CACNA2D3: variants seen among roughly 807,000 people sequenced by gnomAD.
CACNA2D3 encodes the protein voltage-dependent calcium channel subunit alpha-2/delta-3.
In CACNA2D3, 60 loss-of-function variants were observed where a neutral mutation model predicts 160.6. The observed-to-expected ratio is 0.37, with a 90% CI of 0.30 to 0.46. CACNA2D3 has a LOEUF of 0.46. Ranked by LOEUF, CACNA2D3 falls within the 20% of genes least tolerant of loss-of-function variation. The pLI is 1.00. For synonymous variants in CACNA2D3, 558 were observed against 492.9 expected (o/e 1.13, Z -1.75); for missense variants, 1,205 against 1,365.0 (o/e 0.88, Z 1.85).
intron 27 of CACNA2D3, among the ~76,000 whole-genome samples, chr3:54,956,697 A>G (rs1301572545): frequency 2.0e-5 from 3 of 152,186 alleles, no homozygotes; most frequent in Non-Finnish European, 4.4e-5. Context: ...ATCTTAAGGT[A>G]ATGGCCTAAT....
chr3:54,336,442 T>A (rs971911417), intron 3 of CACNA2D3, among the ~76,000 whole-genome samples: 1 of 152,074 alleles, frequency 6.6e-6, no homozygotes, highest in East Asian at 1.9e-4. Context: ...AGCCTATCAG[T>A]GGAATGCAGG....
At chr3:54,475,017 A>G (rs544267738) in intron 4 of CACNA2D3, among the ~76,000 whole-genome samples, 138 of 152,316 alleles carry the variant, frequency 9.1e-4, no homozygotes, top group Admixed American at 8.6e-3. Flanking sequence ...GTTAGCATCA[A>G]ACTTTTCACC....
intron 11 of CACNA2D3, among the ~76,000 whole-genome samples, chr3:54,655,691 G>A (rs1020577650): frequency 6.6e-6 from 1 of 152,110 alleles, no homozygotes; most frequent in Non-Finnish European, 1.5e-5. Flanking sequence ...AATATACTGA[G>A]AAATATTTGA....
At chr3:54,456,266 T>G (rs961578756) in intron 4 of CACNA2D3, among the ~76,000 whole-genome samples, 2 of 151,992 alleles carry the variant, frequency 1.3e-5, no homozygotes, top group Non-Finnish European at 2.9e-5. Context: ...GTAGAGATCT[T>G]TTGTCTTGTT....
intron 11 of CACNA2D3, among the ~76,000 whole-genome samples, chr3:54,735,873 A>T (rs1293236816): frequency 2.0e-5 from 3 of 148,712 alleles, no homozygotes; most frequent in Non-Finnish European, 4.5e-5. Flanking sequence ...GAAAAAAAAT[A>T]AAAAAATAGA....
intron 13 of CACNA2D3, among the ~76,000 whole-genome samples, chr3:54,804,711 T>C (rs538840045): frequency 6.6e-5 from 10 of 152,282 alleles, no homozygotes; most frequent in South Asian, 4.2e-4. Flanking sequence ...CTAATAGATA[T>C]CTACAGAACT....
chr3:54,272,250 T>A (rs536253353), intron 2 of CACNA2D3, among the ~76,000 whole-genome samples: 1 of 152,220 alleles, frequency 6.6e-6, no homozygotes, highest in African/African-American at 2.4e-5. Flanking sequence ...CTTCTTTGTT[T>A]TCTTGTACAT....
At chr3:54,816,744 AT>A in intron 13 of CACNA2D3, 108 bp from the exon 14 acceptor site, 2 of 1,217,838 alleles carry the variant, frequency 1.6e-6, no homozygotes. Context: ...TTGTCTCCCC[AT>A]TTTGGTTTCT....
At chr3:54,144,000 T>A (rs542104152) in intron 2 of CACNA2D3, among the ~76,000 whole-genome samples, 15 of 152,272 alleles carry the variant, frequency 9.9e-5, no homozygotes, top group Non-Finnish European at 1.6e-4. Context: ...ATAGATAAAA[T>A]TTATCCTCTT....
chr3:54,126,948 C>T (rs888023368), intron 2 of CACNA2D3, among the ~76,000 whole-genome samples: 3 of 152,106 alleles, frequency 2.0e-5, no homozygotes, highest in Non-Finnish European at 2.9e-5. Flanking sequence ...GTTTCATTAC[C>T]GCTGTATTTT....
chr3:54,952,233 G>A (rs1014806966), intron 27 of CACNA2D3, among the ~76,000 whole-genome samples: 1 of 152,216 alleles, frequency 6.6e-6, no homozygotes, highest in Non-Finnish European at 1.5e-5. Context: ...AGAGACAAAG[G>A]ATGTTGGCCT....
intron 2 of CACNA2D3, among the ~76,000 whole-genome samples, chr3:54,277,079 A>G (rs999243689): frequency 2.6e-5 from 4 of 152,188 alleles, no homozygotes; most frequent in African/African-American, 9.7e-5. Flanking sequence ...AATGACACAG[A>G]CCCAGTGTAC....
At chr3:54,578,074 A>AG (rs1378294653) in intron 8 of CACNA2D3, among the ~76,000 whole-genome samples, 12 of 152,166 alleles carry the variant, frequency 7.9e-5, no homozygotes, top group African/African-American at 2.9e-4. Context: ...TCTTCCTAAG[A>AG]GACTCTTCCC....
intron 17 of CACNA2D3, among the ~76,000 whole-genome samples, chr3:54,857,179 A>G (rs1355112876): frequency 6.6e-6 from 1 of 152,176 alleles, no homozygotes; most frequent in Non-Finnish European, 1.5e-5. Flanking sequence ...AGGCATGGGG[A>G]TGGTGAATAT....
At chr3:54,499,709 ATT>A (rs1390655491) in intron 4 of CACNA2D3, among the ~76,000 whole-genome samples, 1 of 151,846 alleles carries the variant, frequency 6.6e-6, no homozygotes, top group Non-Finnish European at 1.5e-5. Flanking sequence ...CTTTTTTGTT[ATT>A]GATTTCCAGT....
intron 17 of CACNA2D3, among the ~76,000 whole-genome samples, chr3:54,859,809 G>A (rs898189459): frequency 3.9e-5 from 6 of 152,096 alleles, no homozygotes; most frequent in African/African-American, 7.2e-5. Flanking sequence ...CTCTTGAGGA[G>A]CAAGTCAAGG....
rs545306567 is a variant in CACNA2D3, at chr3:54,976,843, G to A, written c.2556+6999G>A. The stretch of plus-strand genomic sequence containing the variant: ...GGGAGGGAGCAGGGCAGACGCCTGA[G>A]AAGTGAGTCTTCTGATCTCCCTTCT... On this transcript the variant is annotated intron_variant, in intron 29 of 37. Coordinates refer to ENST00000474759, the MANE Select transcript of CACNA2D3 (RefSeq NM_018398.3). Among the ~76,000 whole-genome samples the A allele has an allele frequency of 3.2e-4, 49 of 152,300 alleles. No individual in the cohort carries two copies. The South Asian group carries it at 9.9e-3, about 31-fold the overall frequency.
intron 5 of CACNA2D3, among the ~76,000 whole-genome samples, chr3:54,542,350 A>G (rs911200514): frequency 1.5e-4 from 23 of 152,220 alleles, no homozygotes; most frequent in Non-Finnish European, 2.6e-4. Context: ...GTGAGCCACC[A>G]CACCCAGCCT....
chr3:54,928,152 G>C, intron 27 of CACNA2D3: 1 of 523,232 alleles, frequency 1.9e-6, no homozygotes, highest in Non-Finnish European at 3.4e-6. Flanking sequence ...TCTTGGGATC[G>C]TGCCCCTCTT....
Sources: gnomAD v4.1 joint callset for allele counts (sites outside exome capture counted in the v4.1 genomes callset) on GRCh38, gnomAD v4.1.1 for gene constraint, MANE v1.5 for transcripts, NCBI Gene and HGNC (gene_info 2026-07-23, HGNC 2026-07-21) for gene names.